CDC42BPG: variants seen among roughly 807,000 people sequenced by gnomAD.
The protein encoded by CDC42BPG is CDC42 binding protein kinase gamma.
Under a neutral mutation model 192.2 loss-of-function variants are expected in CDC42BPG, and 157 were observed. That is an observed-to-expected ratio of 0.82 (90% CI 0.72 to 0.93). CDC42BPG has a LOEUF of 0.93. Among genes scored for constraint, CDC42BPG ranks in the 40% least tolerant of loss-of-function variants. The probability of loss-of-function intolerance (pLI) is 0.00; values close to 1 mark genes in which losing one functional copy is unlikely to be tolerated. For synonymous variants in CDC42BPG, 981 were observed against 918.5 expected, an observed-to-expected ratio of 1.07 and a Z score of -1.23; for missense variants, 1,992 against 2,122.1, an observed-to-expected ratio of 0.94 and a Z score of 1.20.
chr11:64,834,828 A>C, intron 18 of CDC42BPG, 21 bp downstream of exon 18: 2 of 1,604,456 alleles, frequency 1.2e-6, no homozygotes, highest in Non-Finnish European at 1.7e-6. Flanking sequence ...GCCAGCCCCC[A>C]GGGGCATCTC....
At chr11:64,840,792 G>C in intron 3 of CDC42BPG, 144 bp from the exon 4 acceptor site, 1 of 690,472 alleles carries the variant, frequency 1.4e-6, no homozygotes, top group African/African-American at 1.8e-5. Context: ...GTCTGGCTGC[G>C]ACTGAGCCCA....
At chr11:64,834,742 C>CTTGG (rs1942891235) in intron 18 of CDC42BPG, 107 bp downstream of exon 18, 3 of 1,342,786 alleles carry the variant, frequency 2.2e-6, no homozygotes, top group Non-Finnish European at 3.1e-6. Context: ...CTCTCATGAG[C>CTTGG]TTGGTGTCCC....
intron 17 of CDC42BPG, 30 bp downstream of exon 17, chr11:64,835,017 T>TGG: frequency 4.8e-5 from 76 of 1,571,600 alleles, no homozygotes; most frequent in Non-Finnish European, 6.3e-5. Flanking sequence ...TCGCCTGCGT[T>TGG]CCCCACCCCG....
At chr11:64,826,067 G>GAA (rs10692629) in intron 36 of CDC42BPG, among the ~76,000 whole-genome samples, 99,815 of 133,838 alleles carry the variant, frequency 0.75, 39,610 homozygotes, top group Middle Eastern at 0.9. Flanking sequence ...ACTCCATCTG[G>GAA]AAAAAAAAAA....
rs200039854 is a variant in CDC42BPG, at chr11:64,830,144, G to A, written c.3367+50C>T. 2.9e-4 allele frequency: 465 copies of A among 1,612,414 alleles called. 1 individual carries two copies. In the East Asian group the frequency reaches 8.9e-3, roughly 31 times the overall value. On this transcript the variant is annotated intron_variant, in intron 29 of 36. Transcript: ENST00000342711. ...GACCCATCCCCATCCTCCTCTGCCC[G>A]CTGGGGCTGCCCCTGCCCACGCCCA...
rs1215978978 is a variant in CDC42BPG, at chr11:64,834,344, C to A, written c.2335G>T (p.Glu779Ter). ...AQLQAERRLQ[E>*]AEKQSQALQQ... ...AGGGCCTGGCTCTGCTTCTCGGCCTCCTGCAGACGGCTGGGGAGAATGGCA... is the reference window on the plus strand; with the variant it reads ...AGGGCCTGGCTCTGCTTCTCGGCCTACTGCAGACGGCTGGGGAGAATGGCA... Residue 779 changes from glutamate to a stop codon, truncating the protein, a stop_gained, in exon 20 of 37, where the codon GAG (glutamate) becomes TAG (stop). Transcript: ENST00000342711. LOFTEE classifies it high-confidence loss of function. 14 of 1,571,572 alleles carry A rather than the reference C, an allele frequency of 8.9e-6. No individual in the cohort carries two copies. Among genetic ancestry groups the A allele is most frequent in the Non-Finnish European group, 1.2e-5 (14 of 1,162,536 alleles).
Position 64,830,221 on chromosome 11 carries a change from G to A in CDC42BPG, c.3340C>T (p.Leu1114Phe). The change falls in exon 29 of 37, where the codon CTC (leucine) becomes TTC (phenylalanine). Residue 1114 changes from leucine to phenylalanine, a missense_variant. Coordinates refer to ENST00000342711, the MANE Select transcript of CDC42BPG (RefSeq NM_017525.3). ...DRLALGTEEGLFVIHLRSNDI... is the reference protein window; with the variant it reads ...DRLALGTEEGFFVIHLRSNDI... ...TTGCTGCGCAGATGGATGACAAAGAGCCCCTCCTCGGTGCCAAGCGCAAGT... is the reference window on the plus strand; with the variant it reads ...TTGCTGCGCAGATGGATGACAAAGAACCCCTCCTCGGTGCCAAGCGCAAGT... 1 of 1,613,086 alleles carries A rather than the reference G, an allele frequency of 6.2e-7. No homozygotes were observed. The highest frequency in any genetic ancestry group is 8.5e-7 in the Non-Finnish European group (1 of 1,179,560).
At chr11:64,831,754 G>A in intron 27 of CDC42BPG, 33 bp from the exon 28 acceptor site, 3 of 1,540,506 alleles carry the variant, frequency 1.9e-6, no homozygotes, top group Non-Finnish European at 2.6e-6. Context: ...GAGGGCCGTG[G>A]ACCAGAGCCA....
At position 64,823,215 on chromosome 11, in the gene CDC42BPG, TA is replaced by T. The variant is rs1942310704; in HGVS notation, c.*1257del. Among the ~76,000 whole-genome samples, 1 of 151,534 alleles carries T rather than the reference TA, an allele frequency of 6.6e-6. No homozygotes were observed. Among genetic ancestry groups the T allele is most frequent in the Admixed American group, 6.6e-5 (1 of 15,170 alleles). On this transcript the variant is annotated 3_prime_UTR_variant, in exon 37 of 37. Transcript: ENST00000342711. ...CATTCTCCTGCCTCAGCCTCCCGAGTAGCAGGGACTACAGGCACCCGTCACC... is the reference window on the plus strand; with the variant it reads ...CATTCTCCTGCCTCAGCCTCCCGAGTGCAGGGACTACAGGCACCCGTCACC...
chr11:64,836,701 A>AG, intron 11 of CDC42BPG, 38 bp downstream of exon 11: 1 of 323,228 alleles, frequency 3.1e-6, no homozygotes, highest in South Asian at 4.2e-5. Context: ...GGTGGGACTC[A>AG]GCCCTGGGGG....
rs1942319019 is a variant in CDC42BPG at position 64,823,577 on chromosome 11, G to A, written c.*896C>T. On this transcript the variant is annotated 3_prime_UTR_variant, in exon 37 of 37. Coordinates refer to ENST00000342711, the MANE Select transcript of CDC42BPG (RefSeq NM_017525.3). Reference sequence around the variant, plus strand: ...GCGCCCTAGTTTCCAATACACAACTGGTTGAAGATTCGAGAAAAACGACCC... The same window carrying A: ...GCGCCCTAGTTTCCAATACACAACTAGTTGAAGATTCGAGAAAAACGACCC... 1 of 152,124 alleles carries A rather than the reference G, an allele frequency of 6.6e-6. No individual in the cohort carries two copies. The highest frequency in any genetic ancestry group is 2.4e-5 in the African/African-American group (1 of 41,422). The allele number at this position is 152,124 out of a possible 1,614,324, so 9.4% of individuals were successfully genotyped here.
At chr11:64,831,417 G>T in intron 28 of CDC42BPG, 88 bp downstream of exon 28, 1 of 1,215,532 alleles carries the variant, frequency 8.2e-7, no homozygotes, top group Non-Finnish European at 1.2e-6. Context: ...CAGGGAATGG[G>T]CAGTAGCAGT....
intron 23 of CDC42BPG, 128 bp from the exon 24 acceptor site, chr11:64,833,464 A>T: frequency 1.0e-6 from 1 of 978,660 alleles, no homozygotes; most frequent in Non-Finnish European, 1.5e-6. Flanking sequence ...CTATGGCGGC[A>T]GGCAAGCTCA....
chr11:64,841,086 G>C (rs368726132), intron 3 of CDC42BPG, among the ~76,000 whole-genome samples: 2 of 151,872 alleles, frequency 1.3e-5, no homozygotes, highest in African/African-American at 4.8e-5. Flanking sequence ...AGGAGGTGGA[G>C]GTTGCAGTGA....
rs367859198 is a variant in CDC42BPG, at chr11:64,826,667, T to C, written c.4513+4A>G. 6.3e-7 allele frequency: 1 copy of C among 1,575,690 alleles called. No individual in the cohort carries two copies. The highest frequency in any genetic ancestry group is 8.6e-7 in the Non-Finnish European group (1 of 1,160,574). Reference sequence around the variant, plus strand: ...CACACTGGAGGCTGAGGGGCTGCCCTTACTGGGGTCTGCGTCTCCACCGAG... The same window carrying C: ...CACACTGGAGGCTGAGGGGCTGCCCCTACTGGGGTCTGCGTCTCCACCGAG... On this transcript the variant is annotated splice_donor_region_variant and intron_variant, in intron 35 of 36. Coordinates refer to ENST00000342711, the MANE Select transcript of CDC42BPG (RefSeq NM_017525.3).
Position 64,823,232 on chromosome 11 carries a change from A to G in CDC42BPG, c.*1241T>C, listed in dbSNP as rs979718551. ...CTCCCGAGTAGCAGGGACTACAGGC[A>G]CCCGTCACCACGCCCGGCTAATTTT... On this transcript the variant is annotated 3_prime_UTR_variant, in exon 37 of 37. Coordinates refer to ENST00000342711, the MANE Select transcript of CDC42BPG (RefSeq NM_017525.3). Among the ~76,000 whole-genome samples, 42 of 151,756 alleles carry G rather than the reference A, an allele frequency of 2.8e-4. No homozygotes were observed. Among genetic ancestry groups the G allele is most frequent in the African/African-American group, 4.3e-4 (18 of 41,392 alleles).
At position 64,824,422 on chromosome 11, in the gene CDC42BPG, C is replaced by T; in HGVS notation, c.*51G>A. On this transcript the variant is annotated 3_prime_UTR_variant, in exon 37 of 37. Coordinates refer to ENST00000342711, the MANE Select transcript of CDC42BPG (RefSeq NM_017525.3). ...AGTATGGCATTCCTCAAGCTCTTTG[C>T]TCCCTCATGTCCTTCTGCCCTGGGA... 1 of 1,240,530 alleles carries T rather than the reference C, an allele frequency of 8.1e-7. No individual in the cohort carries two copies. The highest frequency in any genetic ancestry group is 1.2e-6 in the Non-Finnish European group (1 of 837,500). 76.8% of individuals were successfully genotyped at this position (1,240,530 alleles called of 1,614,324 possible). A position where few individuals can be genotyped will look rare whatever the true frequency, so the allele number is the denominator to read the frequency against.
rs779834080 is a variant in CDC42BPG at position 64,830,231 on chromosome 11, G to A, written c.3330C>T (p.Thr1110=). 2.5e-5 allele frequency: 41 copies of A among 1,611,960 alleles called. No individual in the cohort carries two copies. The highest frequency in any genetic ancestry group is 3.3e-4 in the Middle Eastern group (2 of 6,084). The change falls in exon 29 of 37, where the codon ACC becomes ACT. Residue 1110 remains threonine (T), a synonymous_variant. Coordinates refer to ENST00000342711, the MANE Select transcript of CDC42BPG (RefSeq NM_017525.3). The part of the protein sequence containing the change: ...ILDQDRLALG[T]EEGLFVIHLR... ...GATGGATGACAAAGAGCCCCTCCTC[G>A]GTGCCAAGCGCAAGTCGATCCTGGT...
At chr11:64,844,365 G>A in intron 1 of CDC42BPG, 45 bp downstream of exon 1, 2 of 1,343,760 alleles carry the variant, frequency 1.5e-6, no homozygotes, top group Non-Finnish European at 1.9e-6. Context: ...GTCTCGGCGC[G>A]ATATCCCTAG....
Sources: gnomAD v4.1 joint callset for allele counts (sites outside exome capture counted in the v4.1 genomes callset) on GRCh38, gnomAD v4.1.1 for gene constraint, MANE v1.5 for transcripts, NCBI Gene and HGNC (gene_info 2026-07-23, HGNC 2026-07-21) for gene names.